The following SLC29A4 variants were observed in gnomAD, a reference collection of about 807,000 sequenced individuals.
SLC29A4 encodes the protein solute carrier family 29 member 4.
SLC29A4 carries 36 observed loss-of-function variants against 43.9 expected under a neutral mutation model. That is an observed-to-expected ratio of 0.82 (90% CI 0.63 to 1.08). SLC29A4 has a LOEUF of 1.08. Ranked by LOEUF, SLC29A4 falls within the 50% of genes least tolerant of loss-of-function variation. The pLI is 0.00. For synonymous variants in SLC29A4, 491 were observed against 338.0 expected (o/e 1.45, Z -4.97); for missense variants, 869 against 755.3 (o/e 1.15, Z -1.77).
intron 4 of SLC29A4, 119 bp downstream of exon 4, chr7:5,291,356 C>A: frequency 1.0e-6 from 1 of 983,678 alleles, no homozygotes; most frequent in Non-Finnish European, 1.5e-6. Flanking sequence ...GGGCACACTT[C>A]CTAGGGCTGC....
chr7:5,286,754 C>T (rs1181222152), intron 1 of SLC29A4, among the ~76,000 whole-genome samples: 6 of 152,162 alleles, frequency 3.9e-5, no homozygotes, highest in Non-Finnish European at 4.4e-5. Context: ...GACCAAGGGC[C>T]ATCGTGGCTC....
chr7:5,299,101 C>G lies in SLC29A4; in HGVS notation c.996C>G (p.Val332=), dbSNP rs558861993. 122 of 1,610,518 alleles carry G rather than the reference C, an allele frequency of 7.6e-5. No individual in the cohort carries two copies. Among genetic ancestry groups the G allele is most frequent in the Non-Finnish European group, 1.0e-4 (118 of 1,179,262 alleles). Residue 332 remains valine, a synonymous_variant, in exon 8 of 11, where the codon GTC becomes GTG. Transcript: ENST00000396872. ...YMRFDVPRPR[V]QRSWPTFRAL... is the part of the protein sequence containing the mutation. ...GCTTTGATGTGCCGCGGCCAAGGGTCCAGCGCAGCTGGCCCACCTTCAGAG... is the reference window on the plus strand; with the variant it reads ...GCTTTGATGTGCCGCGGCCAAGGGTGCAGCGCAGCTGGCCCACCTTCAGAG...
rs74183856 is a variant in SLC29A4 at position 5,302,090 on chromosome 7, A to G, written c.1451-707A>G. On this transcript the variant is annotated intron_variant, in intron 10 of 10. Coordinates refer to ENST00000396872, the MANE Select transcript of SLC29A4 (RefSeq NM_153247.4). ...CTCAGCCTCCTGAGTAGCTGGGATT[A>G]TGGATGCCCCCCACCATACCTGGCG... is the stretch of plus-strand genomic sequence containing the variant. Among the ~76,000 whole-genome samples, 2,532 of 152,250 alleles carry G rather than the reference A, an allele frequency of 0.017. 255 individuals carry two copies. The East Asian group carries it at 0.3, about 18-fold the overall frequency.
intron 7 of SLC29A4, 23 bp from the exon 8 acceptor site, chr7:5,298,965 A>G (rs577425777): frequency 6.9e-6 from 11 of 1,602,382 alleles, no homozygotes; most frequent in South Asian, 4.4e-5. Flanking sequence ...CTCCAACCCC[A>G]TCCCACTCCA....
At chr7:5,302,727 A>G in intron 10 of SLC29A4, 70 bp from the exon 11 acceptor site, 1 of 1,479,412 alleles carries the variant, frequency 6.8e-7, no homozygotes, top group South Asian at 1.3e-5. Context: ...ACCGCACCTC[A>G]CACCCGAGCA....
At position 5,297,160 on chromosome 7, in the gene SLC29A4, C is replaced by G. The variant is rs760834977; in HGVS notation, c.844C>G (p.Arg282Gly). The G allele has an allele frequency of 1.5e-4, 236 of 1,598,114 alleles. No homozygotes were observed. Among genetic ancestry groups the G allele is most frequent in the Non-Finnish European group, 1.8e-4 (211 of 1,176,690 alleles). The change falls in exon 7 of 11, where the codon CGC becomes GGC. Residue 282 changes from arginine (R) to glycine (G), a missense_variant. Coordinates refer to ENST00000396872, the MANE Select transcript of SLC29A4 (RefSeq NM_153247.4). ...RPGLGRGYGY[R>G]VHHDVVAGDV... Reference sequence around the variant, plus strand: ...AGGCCTGGGCAGGGGCTATGGCTACCGCGTGCACCACGACGTTGTCGCCGG... The same window carrying G: ...AGGCCTGGGCAGGGGCTATGGCTACGGCGTGCACCACGACGTTGTCGCCGG...
chr7:5,289,335 C>T (rs997385408), intron 2 of SLC29A4, among the ~76,000 whole-genome samples: 3 of 151,896 alleles, frequency 2.0e-5, no homozygotes, highest in African/African-American at 7.3e-5. Context: ...AGGGGGTGGT[C>T]GTAGTGAGCC....
chr7:5,291,092 C>G, intron 3 of SLC29A4, 32 bp from the exon 4 acceptor site: 1 of 1,608,878 alleles, frequency 6.2e-7, no homozygotes, highest in Non-Finnish European at 8.5e-7. Context: ...GTGGGGCCTC[C>G]CTGAGCACCT....
chr7:5,289,115 G>C (rs1181252834), intron 2 of SLC29A4, among the ~76,000 whole-genome samples: 1 of 152,192 alleles, frequency 6.6e-6, no homozygotes, highest in African/African-American at 2.4e-5. Context: ...CCTGGGCTAA[G>C]GCTCGGCACG....
At chr7:5,297,281 A>T in intron 7 of SLC29A4, 83 bp downstream of exon 7, 1 of 1,406,540 alleles carries the variant, frequency 7.1e-7, no homozygotes, top group Non-Finnish European at 9.4e-7. Context: ...CCTGGGGCCC[A>T]GCCTCTCACC....
chr7:5,287,708 G>A (rs1223955520), intron 1 of SLC29A4, 101 bp from the exon 2 acceptor site: 21 of 1,238,312 alleles, frequency 1.7e-5, no homozygotes, highest in Non-Finnish European at 1.7e-5. Context: ...TGACCAAAGT[G>A]ACATGTGTCA....
intron 1 of SLC29A4, 64 bp downstream of exon 1, chr7:5,283,146 G>T (rs1784747566): frequency 6.7e-6 from 1 of 149,826 alleles, no homozygotes; most frequent in African/African-American, 2.4e-5. Context: ...TTTGTCTGCG[G>T]CGCGCGCGGC....
chr7:5,291,883 G>A (rs1785333066), intron 5 of SLC29A4, 62 bp downstream of exon 5: 2 of 1,556,282 alleles, frequency 1.3e-6, no homozygotes, highest in African/African-American at 2.7e-5. Flanking sequence ...TCCCACCCCA[G>A]CCCTGGTCTC....
At chr7:5,301,280 C>T (rs1274464431) in intron 10 of SLC29A4, among the ~76,000 whole-genome samples, 1 of 145,362 alleles carries the variant, frequency 6.9e-6, no homozygotes, top group Non-Finnish European at 1.5e-5. Flanking sequence ...AAAAAAAAAT[C>T]CCAGATCGGC....
At chr7:5,297,874 C>T (rs1312999904) in intron 7 of SLC29A4, among the ~76,000 whole-genome samples, 8 of 152,266 alleles carry the variant, frequency 5.3e-5, no homozygotes, top group African/African-American at 1.2e-4. Context: ...ACTGCCCCTA[C>T]GGGGTCCCCA....
chr7:5,291,182 C>T lies in SLC29A4; in HGVS notation c.360C>T (p.Val120=), dbSNP rs567644235. ...ACATCTTGGTGGCACTGGCAGCTGT[C>T]CTCCTGAACAACGTCCTGGTGGAGA... The part of the protein sequence containing the change: ...LTYILVALAA[V]LLNNVLVERL... The change falls in exon 4 of 11, where the codon GTC becomes GTT. Residue 120 remains valine (V), a synonymous_variant. Transcript: ENST00000396872. 3 of 1,613,810 alleles carry T rather than the reference C, an allele frequency of 1.9e-6. No individual in the cohort carries two copies. The highest frequency in any genetic ancestry group is 1.3e-5 in the African/African-American group (1 of 75,046).
At chr7:5,284,089 G>GT (rs1002491448) in intron 1 of SLC29A4, among the ~76,000 whole-genome samples, 15 of 137,986 alleles carry the variant, frequency 1.1e-4, no homozygotes, top group Non-Finnish European at 1.4e-4. Context: ...TCCCTGCAAA[G>GT]TGGTGAGGGG....
At chr7:5,289,077 G>C (rs1312677564) in intron 2 of SLC29A4, among the ~76,000 whole-genome samples, 1 of 152,202 alleles carries the variant, frequency 6.6e-6, no homozygotes, top group Non-Finnish European at 1.5e-5. Context: ...GAGAGCTGCT[G>C]TTTATGCTAG....
rs565671972 is a variant in SLC29A4, at chr7:5,300,483, G to C, written c.1271G>C (p.Arg424Pro). Residue 424 changes from arginine (R) to proline (P), a missense_variant, in exon 10 of 11, where the codon CGT (arginine) becomes CCT (proline). Physicochemically the swap from Arg to Pro is moderately radical, Grantham distance 103. Transcript: ENST00000396872. The part of the protein sequence containing the change: ...GTHLLACSCL[R>P]VVFIPLFILC... ...CACCTGCTGGCCTGCTCCTGCCTGC[G>C]TGTGGTCTTCATCCCCCTCTTCATC... 4 of 1,611,672 alleles carry C rather than the reference G, an allele frequency of 2.5e-6. No homozygotes were observed. The African/African-American group carries it at 4.0e-5, about 16-fold the overall frequency.
Sources: allele counts gnomAD v4.1 joint callset (sites outside exome capture counted in the v4.1 genomes callset), GRCh38; gene constraint gnomAD v4.1.1; transcripts MANE v1.5; gene names NCBI Gene and HGNC (gene_info 2026-07-23, HGNC 2026-07-21).